EEF1AKMT1: variants seen among roughly 807,000 people sequenced by gnomAD.
The protein encoded by EEF1AKMT1 is N-6 adenine-specific DNA methyltransferase 2 (putative).
A neutral mutation model predicts 21.0 loss-of-function variants in EEF1AKMT1; 18 were observed. The ratio of observed to expected loss-of-function variants is 0.86; its 90% CI spans 0.59 to 1.27. EEF1AKMT1 has a LOEUF of 1.27. Ranked by LOEUF, EEF1AKMT1 falls within the 50% of genes most tolerant of loss-of-function variation. The probability of loss-of-function intolerance (pLI) is 0.00; values close to 1 mark genes in which losing one functional copy is unlikely to be tolerated. For synonymous variants in EEF1AKMT1, 109 were observed against 94.8 expected (o/e 1.15, Z -0.87); for missense variants, 246 against 258.6 (o/e 0.95, Z 0.33).
At chr13:20,773,605 C>T (rs577059456) in intron 1 of EEF1AKMT1, among the ~76,000 whole-genome samples, 6 of 152,254 alleles carry the variant, frequency 3.9e-5, no homozygotes, top group Non-Finnish European at 8.8e-5. Flanking sequence ...GCTGCCGTAG[C>T]CTGGGGGTTA....
chr13:20,759,592 C>G (rs1319814389), intron 1 of EEF1AKMT1, among the ~76,000 whole-genome samples: 1 of 137,568 alleles, frequency 7.3e-6, no homozygotes, highest in African/African-American at 2.7e-5. Context: ...AAACAAAAAA[C>G]AAACAAAAAA....
rs1047070457 is a variant in EEF1AKMT1, at chr13:20,732,226, T to C, written c.228-105A>G. Reference sequence around the variant, plus strand: ...CATGGGTCCGAGTGCTCAGAGTTTCTTACAGGAAACAATAATGCAAACTAG... The same window carrying C: ...CATGGGTCCGAGTGCTCAGAGTTTCCTACAGGAAACAATAATGCAAACTAG... On this transcript the variant is annotated intron_variant, in intron 3 of 4. Coordinates refer to ENST00000382758, the MANE Select transcript of EEF1AKMT1 (RefSeq NM_001318939.2). 3.9e-6 allele frequency: 5 copies of C among 1,288,354 alleles called. No homozygotes were observed. In the African/African-American group the frequency reaches 7.5e-5, roughly 19 times the overall value. 79.8% of individuals were successfully genotyped at this position (1,288,354 alleles called of 1,614,324 possible).
At position 20,764,895 on chromosome 13, in the gene EEF1AKMT1, A is replaced by T. The variant is rs917102836; in HGVS notation, c.-19-7278T>A. On this transcript the variant is annotated intron_variant, in intron 1 of 4. Coordinates refer to ENST00000382758, the MANE Select transcript of EEF1AKMT1 (RefSeq NM_001318939.2). The stretch of plus-strand genomic sequence containing the variant: ...TTTCACTTTCAACACACACACACAC[A>T]CACACACACACACACACACACACCC... Among the ~76,000 whole-genome samples the T allele has an allele frequency of 2.7e-5, 4 of 149,478 alleles. No individual in the cohort carries two copies. The South Asian group carries it at 8.4e-4, about 32-fold the overall frequency.
At chr13:20,750,353 C>G (rs2058933888) in intron 2 of EEF1AKMT1, among the ~76,000 whole-genome samples, 2 of 152,112 alleles carry the variant, frequency 1.3e-5, no homozygotes, top group Admixed American at 1.3e-4. Context: ...ATCACCCCCA[C>G]CCCACCTTCC....
chr13:20,730,954 C>T (rs946805914), intron 4 of EEF1AKMT1, among the ~76,000 whole-genome samples: 1 of 152,170 alleles, frequency 6.6e-6, no homozygotes, highest in Admixed American at 6.5e-5. Context: ...GTAACACATA[C>T]CGCAAGGGTC....
chr13:20,739,959 C>A (rs568640981), intron 2 of EEF1AKMT1, among the ~76,000 whole-genome samples: 1 of 152,250 alleles, frequency 6.6e-6, no homozygotes, highest in Admixed American at 6.5e-5. Context: ...GCAGTTGATG[C>A]GACTGGGCCC....
intron 2 of EEF1AKMT1, among the ~76,000 whole-genome samples, chr13:20,752,426 C>T (rs1040229612): frequency 3.3e-5 from 5 of 152,084 alleles, no homozygotes; most frequent in African/African-American, 1.2e-4. Flanking sequence ...GTCCTTCAGT[C>T]TGTTGATGTG....
At chr13:20,760,807 ACTCT>A (rs1160875562) in intron 1 of EEF1AKMT1, among the ~76,000 whole-genome samples, 1 of 152,222 alleles carries the variant, frequency 6.6e-6, no homozygotes, top group African/African-American at 2.4e-5. Flanking sequence ...ATATTGGTAT[ACTCT>A]CTAATTTAGA....
chr13:20,754,272 C>CT (rs71087094), intron 2 of EEF1AKMT1, among the ~76,000 whole-genome samples: 110,939 of 149,464 alleles, frequency 0.74, 43,035 homozygotes, highest in East Asian at 1. Flanking sequence ...GTTTTTTTTT[C>CT]TTTTTTTTTC....
intron 2 of EEF1AKMT1, among the ~76,000 whole-genome samples, chr13:20,748,392 G>A (rs149662542): frequency 1.9e-3 from 288 of 149,682 alleles, no homozygotes; most frequent in African/African-American, 6.3e-3. Context: ...GCGAGATCGC[G>A]CCACTGCACT....
chr13:20,739,293 T>C (rs1438336803), intron 2 of EEF1AKMT1, among the ~76,000 whole-genome samples: 1 of 152,110 alleles, frequency 6.6e-6, no homozygotes, highest in Admixed American at 6.5e-5. Context: ...CAGTAACATT[T>C]ATTGTGAGGA....
At chr13:20,770,810 T>C (rs564918579) in intron 1 of EEF1AKMT1, among the ~76,000 whole-genome samples, 99 of 152,278 alleles carry the variant, frequency 6.5e-4, no homozygotes, top group African/African-American at 2.3e-3. Flanking sequence ...TGTGTGTATA[T>C]GAGTGTGTCC....
At chr13:20,760,540 A>G (rs2058996108) in intron 1 of EEF1AKMT1, among the ~76,000 whole-genome samples, 1 of 152,168 alleles carries the variant, frequency 6.6e-6, no homozygotes, top group East Asian at 1.9e-4. Context: ...ACTCCAAGAG[A>G]GGAGCCGGGA....
intron 2 of EEF1AKMT1, among the ~76,000 whole-genome samples, chr13:20,754,741 C>CAAAAAAAAAAAA (rs56777421): frequency 1.7e-5 from 2 of 116,580 alleles, no homozygotes; most frequent in African/African-American, 3.3e-5. Flanking sequence ...ACCAAAAATA[C>CAAAAAAAAAAAA]AAAAAAAAAA....
At chr13:20,741,237 C>T (rs2058868898) in intron 2 of EEF1AKMT1, among the ~76,000 whole-genome samples, 1 of 151,632 alleles carries the variant, frequency 6.6e-6, no homozygotes, top group Non-Finnish European at 1.5e-5. Context: ...CCACTTTTAC[C>T]ACTTATGTTC....
intron 2 of EEF1AKMT1, chr13:20,747,331 A>G (rs183660949): frequency 6.8e-4 from 165 of 241,328 alleles, no homozygotes; most frequent in Middle Eastern, 3.5e-3. Flanking sequence ...AGTACTGAAG[A>G]TTCTTCTTTT....
chr13:20,773,799 T>G (rs1441518841), intron 1 of EEF1AKMT1, 122 bp downstream of exon 1: 1 of 153,196 alleles, frequency 6.5e-6, no homozygotes, highest in Non-Finnish European at 1.5e-5. Flanking sequence ...AATTAAACTC[T>G]TCCACCACTA....
intron 2 of EEF1AKMT1, among the ~76,000 whole-genome samples, chr13:20,748,269 A>C (rs2058918905): frequency 6.6e-6 from 1 of 152,152 alleles, no homozygotes; most frequent in Non-Finnish European, 1.5e-5. Context: ...CCCCGTCTCT[A>C]CTAAAAATAC....
intron 1 of EEF1AKMT1, among the ~76,000 whole-genome samples, chr13:20,762,140 A>G (rs2059004176): frequency 6.8e-6 from 1 of 147,446 alleles, no homozygotes; most frequent in Non-Finnish European, 1.5e-5. Flanking sequence ...ACATCTCTCC[A>G]TTTATTTAGT....
Sources: gnomAD v4.1 joint callset for allele counts (sites outside exome capture counted in the v4.1 genomes callset) on GRCh38, gnomAD v4.1.1 for gene constraint, MANE v1.5 for transcripts, NCBI Gene and HGNC (gene_info 2026-07-23, HGNC 2026-07-21) for gene names.